The following EPHA6 variants were observed in gnomAD, a reference collection of about 807,000 sequenced individuals.
EPHA6 encodes ephrin type-A receptor 6.
In EPHA6, 50 loss-of-function variants were observed where a neutral mutation model predicts 112.0. That is an observed-to-expected ratio of 0.45 (90% CI 0.36 to 0.56). The LOEUF (loss-of-function observed/expected upper bound fraction) is 0.56. EPHA6 is among the 20% of genes least tolerant of loss of function. The pLI, the probability that EPHA6 is intolerant of heterozygous loss-of-function variation, is 0.00. For synonymous variants in EPHA6, 529 were observed against 490.7 expected, an observed-to-expected ratio of 1.08 and a Z score of -1.03; for missense variants, 1,280 against 1,417.4, an observed-to-expected ratio of 0.90 and a Z score of 1.56.
At chr3:97,668,353 G>T (rs536795077) in intron 14 of EPHA6, among the ~76,000 whole-genome samples, 22 of 152,080 alleles carry the variant, frequency 1.4e-4, no homozygotes, top group Non-Finnish European at 2.2e-4. Context: ...CGTCAAAGAA[G>T]CCAAAACAAC....
Position 97,226,244 on chromosome 3 carries a change from GT to G in EPHA6, c.1115-13del, listed in dbSNP as rs562132068. 2 of 1,578,698 alleles carry G rather than the reference GT, an allele frequency of 1.3e-6. No homozygotes were observed. The highest frequency in any genetic ancestry group is 2.3e-5 in the South Asian group (2 of 85,134). On this transcript the variant is annotated intron_variant, in intron 3 of 17. Transcript: ENST00000389672. ...TCCTAGCAATAATAACTAAAAAAGTGTTTTTTTCTCTTTTTACAGCTTGCAG... is the reference window on the plus strand; with the variant it reads ...TCCTAGCAATAATAACTAAAAAAGTGTTTTTTCTCTTTTTACAGCTTGCAG...
intron 11 of EPHA6, among the ~76,000 whole-genome samples, chr3:97,566,521 G>A (rs1484802452): frequency 6.6e-6 from 1 of 152,140 alleles, no homozygotes; most frequent in Non-Finnish European, 1.5e-5. Context: ...ATCCAATCTT[G>A]GAAAATATTG....
intron 6 of EPHA6, among the ~76,000 whole-genome samples, chr3:97,424,622 A>T (rs528889336): frequency 6.6e-6 from 1 of 151,814 alleles, no homozygotes; most frequent in Non-Finnish European, 1.5e-5. Context: ...TGGCCAACAT[A>T]GTGAAACCCC....
intron 10 of EPHA6, among the ~76,000 whole-genome samples, chr3:97,497,367 A>G (rs1204843230): frequency 1.3e-5 from 2 of 152,180 alleles, no homozygotes; most frequent in African/African-American, 4.8e-5. Context: ...TAGCTCCAGT[A>G]ACATCATGGC....
At chr3:97,278,878 C>G (rs1326404165) in intron 5 of EPHA6, among the ~76,000 whole-genome samples, 1 of 152,156 alleles carries the variant, frequency 6.6e-6, no homozygotes, top group Non-Finnish European at 1.5e-5. Context: ...GAGAGTGTAT[C>G]TGAGGGCCGC....
chr3:96,843,523 G>A (rs373864921), intron 1 of EPHA6, among the ~76,000 whole-genome samples: 2 of 152,042 alleles, frequency 1.3e-5, no homozygotes, highest in Non-Finnish European at 2.9e-5. Context: ...TGTCAATTTT[G>A]TGAGGGAATT....
intron 7 of EPHA6, among the ~76,000 whole-genome samples, chr3:97,451,851 T>C (rs971331591): frequency 6.6e-6 from 1 of 151,930 alleles, no homozygotes; most frequent in African/African-American, 2.4e-5. Context: ...TATTATTAAG[T>C]TCTCTCTTGT....
chr3:97,021,031 T>C (rs906711019), intron 3 of EPHA6, among the ~76,000 whole-genome samples: 1 of 152,210 alleles, frequency 6.6e-6, no homozygotes, highest in African/African-American at 2.4e-5. Flanking sequence ...ATCTAAATAT[T>C]GTGGTCCTTA....
intron 11 of EPHA6, among the ~76,000 whole-genome samples, chr3:97,575,426 G>A (rs1387314529): frequency 6.6e-6 from 1 of 152,094 alleles, no homozygotes; most frequent in Admixed American, 6.6e-5. Flanking sequence ...AGCAAGTTAA[G>A]TGCAGTATAT....
chr3:96,925,219 T>C (rs2039971051), intron 2 of EPHA6, among the ~76,000 whole-genome samples: 1 of 152,168 alleles, frequency 6.6e-6, no homozygotes, highest in Non-Finnish European at 1.5e-5. Context: ...TCATTAGAAA[T>C]GTTACAGCTC....
chr3:97,484,796 C>T (rs755532636), intron 10 of EPHA6, among the ~76,000 whole-genome samples: 10 of 152,332 alleles, frequency 6.6e-5, no homozygotes, highest in Non-Finnish European at 1.3e-4. Flanking sequence ...ATGCCATCCT[C>T]CTGTAAATGA....
At chr3:97,255,368 C>T (rs1434848162) in intron 5 of EPHA6, among the ~76,000 whole-genome samples, 3 of 152,076 alleles carry the variant, frequency 2.0e-5, no homozygotes, top group Non-Finnish European at 2.9e-5. Flanking sequence ...AGGGAACATT[C>T]AGCAAAGGGA....
chr3:96,859,338 G>A (rs2035877429), intron 1 of EPHA6, among the ~76,000 whole-genome samples: 1 of 151,144 alleles, frequency 6.6e-6, no homozygotes, highest in Admixed American at 6.6e-5. Context: ...TATTTCTGAT[G>A]ACTAAAGGTT....
At chr3:97,673,210 A>G (rs1430102521) in intron 14 of EPHA6, among the ~76,000 whole-genome samples, 1 of 152,174 alleles carries the variant, frequency 6.6e-6, no homozygotes, top group East Asian at 1.9e-4. Flanking sequence ...GGCTTGCAAA[A>G]ATTCAATTCT....
At chr3:97,058,992 G>A (rs988614930) in intron 3 of EPHA6, among the ~76,000 whole-genome samples, 17 of 152,058 alleles carry the variant, frequency 1.1e-4, no homozygotes, top group Non-Finnish European at 2.9e-5. Flanking sequence ...TGGAGGAGTG[G>A]GGGGACGCAG....
At chr3:96,920,387 C>CA (rs2039696418) in intron 2 of EPHA6, among the ~76,000 whole-genome samples, 2 of 151,798 alleles carry the variant, frequency 1.3e-5, no homozygotes, top group East Asian at 1.9e-4. Flanking sequence ...GGGAAAGTAG[C>CA]AAAAAATATT....
At chr3:97,504,930 A>T (rs1435366450) in intron 10 of EPHA6, among the ~76,000 whole-genome samples, 2 of 152,104 alleles carry the variant, frequency 1.3e-5, no homozygotes, top group African/African-American at 4.8e-5. Context: ...CTTGAAATCA[A>T]TCCCAATTTT....
intron 5 of EPHA6, among the ~76,000 whole-genome samples, chr3:97,377,420 A>C (rs1047938844): frequency 5.3e-5 from 8 of 152,140 alleles, no homozygotes; most frequent in African/African-American, 4.8e-5. Context: ...TTTCTTTATC[A>C]GTAGCATGAA....
chr3:97,012,357 C>T (rs1376971868), intron 3 of EPHA6, among the ~76,000 whole-genome samples: 1 of 151,230 alleles, frequency 6.6e-6, no homozygotes, highest in Non-Finnish European at 1.5e-5. Context: ...GACTCTGTCA[C>T]CCAGGCTGGA....
Sources: gnomAD v4.1 joint callset for allele counts (sites outside exome capture counted in the v4.1 genomes callset) on GRCh38, gnomAD v4.1.1 for gene constraint, MANE v1.5 for transcripts, NCBI Gene and HGNC (gene_info 2026-07-23, HGNC 2026-07-21) for gene names.